The following DSCAM variants were observed in gnomAD, a reference collection of about 807,000 sequenced individuals.
The protein encoded by DSCAM is DS cell adhesion molecule.
In DSCAM, 47 loss-of-function variants were observed where a neutral mutation model predicts 217.7. That is an observed-to-expected ratio of 0.22 (90% CI 0.17 to 0.28). DSCAM has a LOEUF of 0.28. Among genes scored for constraint, DSCAM ranks in the 10% least tolerant of loss-of-function variants. The pLI, the probability that DSCAM is intolerant of heterozygous loss-of-function variation, is 1.00. For missense variants in DSCAM, 2,080 were observed against 2,618.3 expected, an observed-to-expected ratio of 0.79 and a Z score of 4.49; for synonymous variants, 1,056 against 1,015.3, an observed-to-expected ratio of 1.04 and a Z score of -0.76.
At chr21:40,115,129 G>C (rs1263461844) in intron 20 of DSCAM, among the ~76,000 whole-genome samples, 1 of 152,084 alleles carries the variant, frequency 6.6e-6, no homozygotes, top group Non-Finnish European at 1.5e-5. Context: ...GTTTACTGTG[G>C]CACTATTCAC....
Position 40,080,140 on chromosome 21 carries a change from A to G in DSCAM, c.4420+12T>C. ...GAAAGGATATTAAGAAGCGATGAGA[A>G]GGCATACCTACCTTTTCCTAAGGTC... On this transcript the variant is annotated intron_variant, in intron 25 of 32. Transcript: ENST00000400454. 2 of 1,492,876 alleles carry G rather than the reference A, an allele frequency of 1.3e-6. No homozygotes were observed. Among genetic ancestry groups the G allele is most frequent in the Non-Finnish European group, 1.8e-6 (2 of 1,111,336 alleles). The allele number at this position is 1,492,876 out of a possible 1,614,324, so 92.5% of individuals were successfully genotyped here.
chr21:40,331,612 C>A (rs56661999), intron 8 of DSCAM, among the ~76,000 whole-genome samples: 2 of 152,080 alleles, frequency 1.3e-5, no homozygotes, highest in Non-Finnish European at 2.9e-5. Context: ...ACCACCAACA[C>A]AAGAGCTGAA....
intron 11 of DSCAM, among the ~76,000 whole-genome samples, chr21:40,259,768 G>A (rs1279305790): frequency 7.2e-6 from 1 of 137,986 alleles, no homozygotes; most frequent in Non-Finnish European, 1.5e-5. Context: ...CTGCCTCCCA[G>A]GTTCACGCTA....
At chr21:40,584,190 G>T (rs1027925213) in intron 3 of DSCAM, among the ~76,000 whole-genome samples, 2 of 152,146 alleles carry the variant, frequency 1.3e-5, no homozygotes, top group African/African-American at 4.8e-5. Context: ...TTGGGGTCAG[G>T]TTCCGCTCCT....
Position 40,375,723 on chromosome 21 carries a change from C to T in DSCAM, c.509-6478G>A, listed in dbSNP as rs533308480. ...CTCCATTACATAGAACAGTACTTGG[C>T]TATGACATCCTAAAATATTTGTTGA... On this transcript the variant is annotated intron_variant, in intron 3 of 32. Transcript: ENST00000400454. Among the ~76,000 whole-genome samples the T allele has an allele frequency of 7.9e-4, 121 of 152,304 alleles. 3 individuals are homozygous for T. The South Asian group carries it at 0.024, about 30-fold the overall frequency.
intron 3 of DSCAM, among the ~76,000 whole-genome samples, chr21:40,463,604 C>T (rs1229583295): frequency 6.6e-6 from 1 of 152,200 alleles, no homozygotes; most frequent in Admixed American, 6.5e-5. Flanking sequence ...ACATAGGCTG[C>T]TGCTCTTCCT....
At chr21:40,059,405 G>A (rs983993334) in intron 28 of DSCAM, among the ~76,000 whole-genome samples, 6 of 152,222 alleles carry the variant, frequency 3.9e-5, no homozygotes, top group African/African-American at 1.2e-4. Context: ...CTGTCTGGGT[G>A]TGAGGGATGC....
At position 40,276,024 on chromosome 21, in the gene DSCAM, A is replaced by T. The variant is rs541021636; in HGVS notation, c.2356+73T>A. ...TGCTTTTAAACAGGTATGTATGGAGACAATTGAAAAAGGAAGCCCCCAGAG... is the reference window on the plus strand; with the variant it reads ...TGCTTTTAAACAGGTATGTATGGAGTCAATTGAAAAAGGAAGCCCCCAGAG... On this transcript the variant is annotated intron_variant, in intron 11 of 32. Transcript: ENST00000400454. The T allele has an allele frequency of 1.5e-5, 22 of 1,430,536 alleles. No homozygotes were observed. In the East Asian group the frequency reaches 5.3e-4, roughly 34 times the overall value. The allele number at this position is 1,430,536 out of a possible 1,614,324, so 88.6% of individuals were successfully genotyped here.
At chr21:40,611,395 G>T (rs542282058) in intron 3 of DSCAM, among the ~76,000 whole-genome samples, 11 of 152,060 alleles carry the variant, frequency 7.2e-5, no homozygotes, top group Non-Finnish European at 1.0e-4. Flanking sequence ...GTAACACAGC[G>T]TATCAAAACT....
chr21:40,696,598 G>A (rs1428026721), intron 2 of DSCAM, among the ~76,000 whole-genome samples: 3 of 152,154 alleles, frequency 2.0e-5, no homozygotes, highest in Admixed American at 1.3e-4. Context: ...GCAGGTTCAT[G>A]TTCTTAGCAA....
chr21:40,407,378 G>A (rs2075288139), intron 3 of DSCAM, among the ~76,000 whole-genome samples: 1 of 152,278 alleles, frequency 6.6e-6, no homozygotes, highest in African/African-American at 2.4e-5. Context: ...AGACAACTTT[G>A]CCTTAACTCC....
At chr21:40,318,542 T>C (rs2074225874) in intron 8 of DSCAM, among the ~76,000 whole-genome samples, 1 of 152,150 alleles carries the variant, frequency 6.6e-6, no homozygotes, top group South Asian at 2.1e-4. Context: ...GCCTTGTTTA[T>C]TTAGGTACGG....
chr21:40,610,098 C>T (rs569155749), intron 3 of DSCAM, among the ~76,000 whole-genome samples: 2 of 152,266 alleles, frequency 1.3e-5, no homozygotes, highest in Admixed American at 6.5e-5. Context: ...ATAGTCCACA[C>T]GAACATCTCG....
intron 8 of DSCAM, among the ~76,000 whole-genome samples, chr21:40,335,325 C>T (rs2074419108): frequency 6.6e-6 from 1 of 152,030 alleles, no homozygotes; most frequent in South Asian, 2.1e-4. Flanking sequence ...GATAAGTATT[C>T]AGAAGAAAAG....
intron 3 of DSCAM, among the ~76,000 whole-genome samples, chr21:40,400,287 A>C (rs541595726): frequency 6.6e-6 from 1 of 152,340 alleles, no homozygotes; most frequent in South Asian, 2.1e-4. Context: ...ATTTAAAAAT[A>C]TTTTAATGAA....
chr21:40,846,779 C>CCCGCCGCCCGCCG lies in DSCAM; in HGVS notation c.-119_-118insCGGCGGGCGGCGG, dbSNP rs557960494. ...CCCGGGGGCCGCCGCCCGCCCGCCG[C>CCCGCCGCCCGCCG]CCGCCGCCGCCGCCGCCGCTGCCTA... On this transcript the variant is annotated 5_prime_UTR_variant, in exon 1 of 33. Transcript: ENST00000400454. The CCCGCCGCCCGCCG allele has an allele frequency of 9.8e-6, 3 of 307,458 alleles. No homozygotes were observed. The highest frequency in any genetic ancestry group is 9.4e-6 in the Non-Finnish European group (2 of 212,912). 19.0% of individuals were successfully genotyped at this position (307,458 alleles called of 1,614,324 possible). A position where few individuals can be genotyped will look rare whatever the true frequency, so the allele number is the denominator to read the frequency against.
At chr21:40,559,458 CAAAAA>C (rs59510708) in intron 3 of DSCAM, among the ~76,000 whole-genome samples, 1 of 115,960 alleles carries the variant, frequency 8.6e-6, no homozygotes. Context: ...GACCCCGTCT[CAAAAA>C]AAAAAAAAAA....
intron 31 of DSCAM, among the ~76,000 whole-genome samples, 178 bp downstream of exon 31, chr21:40,043,900 G>C (rs953252544): frequency 6.6e-6 from 1 of 152,196 alleles, no homozygotes; most frequent in Non-Finnish European, 1.5e-5. Context: ...TGGAGTAAAG[G>C]CTGTGCAGTT....
intron 11 of DSCAM, among the ~76,000 whole-genome samples, chr21:40,219,862 C>A (rs970300531): frequency 6.6e-6 from 1 of 152,098 alleles, no homozygotes; most frequent in Non-Finnish European, 1.5e-5. Context: ...AGGTAGAAAT[C>A]TTACATATGT....
Sources: gnomAD v4.1 joint callset for allele counts (sites outside exome capture counted in the v4.1 genomes callset) on GRCh38, gnomAD v4.1.1 for gene constraint, MANE v1.5 for transcripts, NCBI Gene and HGNC (gene_info 2026-07-23, HGNC 2026-07-21) for gene names.